The following FRYL variants were observed in gnomAD, a reference collection of about 807,000 sequenced individuals.
FRYL encodes the protein protein furry homolog-like.
A neutral mutation model predicts 351.2 loss-of-function variants in FRYL; 150 were observed. The observed-to-expected ratio is 0.43, with a 90% CI of 0.37 to 0.49. The LOEUF (loss-of-function observed/expected upper bound fraction) is 0.49, where lower values mean the gene tolerates loss of function less well. FRYL is among the 20% of genes least tolerant of loss of function. FRYL has a pLI of 0.00. For missense variants in FRYL, 3,036 were observed against 3,619.3 expected (o/e 0.84, Z 4.13); for synonymous variants, 1,153 against 1,257.1 (o/e 0.92, Z 1.75).
chr4:48,547,474 T>A, intron 41 of FRYL, 110 bp downstream of exon 41: 1 of 516,428 alleles, frequency 1.9e-6, no homozygotes, highest in Non-Finnish European at 3.3e-6. Context: ...ACTACATTTT[T>A]AAAATGTTCT....
chr4:48,547,382 C>T (rs566853321), intron 41 of FRYL: 16 of 378,394 alleles, frequency 4.2e-5, no homozygotes, highest in South Asian at 1.0e-4. Flanking sequence ...AAAGATCGTT[C>T]GAGGTAATGC....
intron 1 of FRYL, among the ~76,000 whole-genome samples, chr4:48,711,788 C>T (rs1000415274): frequency 5.9e-5 from 9 of 152,220 alleles, no homozygotes; most frequent in African/African-American, 2.2e-4. Flanking sequence ...ACCCCTGACC[C>T]CCCGAGCAGT....
intron 16 of FRYL, among the ~76,000 whole-genome samples, chr4:48,591,349 T>C (rs774341578): frequency 7.9e-5 from 12 of 152,214 alleles, no homozygotes; most frequent in Non-Finnish European, 1.5e-4. Context: ...ACATACACGT[T>C]TTCTTTCTTG....
chr4:48,683,122 A>C (rs1764812035), intron 3 of FRYL, among the ~76,000 whole-genome samples: 1 of 152,190 alleles, frequency 6.6e-6, no homozygotes, highest in African/African-American at 2.4e-5. Context: ...CTTTGCACGG[A>C]CATGGATGAA....
At chr4:48,668,667 C>A (rs558074484) in intron 3 of FRYL, among the ~76,000 whole-genome samples, 1 of 152,358 alleles carries the variant, frequency 6.6e-6, no homozygotes, top group East Asian at 1.9e-4. Context: ...CAGTCCTCAA[C>A]CCACTATCTG....
chr4:48,682,425 A>T (rs1188078635), intron 3 of FRYL, among the ~76,000 whole-genome samples: 2 of 152,242 alleles, frequency 1.3e-5, no homozygotes, highest in Non-Finnish European at 2.9e-5. Context: ...GACAAATGGG[A>T]TCTAATTAAA....
intron 37 of FRYL, among the ~76,000 whole-genome samples, chr4:48,551,121 C>T (rs148667273): frequency 1.2e-3 from 175 of 151,202 alleles, no homozygotes; most frequent in African/African-American, 3.8e-3. Context: ...TTTACTATGA[C>T]GTACATTAAT....
At chr4:48,719,279 A>G (rs2149606118) in intron 1 of FRYL, among the ~76,000 whole-genome samples, 1 of 151,728 alleles carries the variant, frequency 6.6e-6, no homozygotes, top group Non-Finnish European at 1.5e-5. Context: ...AATGTATCCC[A>G]TGCCTTCCTA....
In FRYL at chr4:48,595,572, A is replaced by G. The variant is rs1449744777; in HGVS notation, c.1248+18T>C. 2 of 1,402,824 alleles carry G rather than the reference A, an allele frequency of 1.4e-6. No homozygotes were observed. Among genetic ancestry groups the G allele is most frequent in the East Asian group, 4.6e-5 (2 of 43,464 alleles). The allele number at this position is 1,402,824 out of a possible 1,614,324, so 86.9% of individuals were successfully genotyped here. A position where few individuals can be genotyped will look rare whatever the true frequency, so the allele number is the denominator to read the frequency against. On this transcript the variant is annotated intron_variant, in intron 15 of 63. Transcript: ENST00000358350. ...CTAACAATTTATATACATACATACT[A>G]TGAGATGAAGCACTCACCTGAGCAA...
At chr4:48,660,954 T>C (rs1001610819) in intron 3 of FRYL, among the ~76,000 whole-genome samples, 11 of 152,302 alleles carry the variant, frequency 7.2e-5, no homozygotes, top group Admixed American at 2.0e-4. Flanking sequence ...TAAGGAAATG[T>C]GGCAACTGAA....
intron 1 of FRYL, 33 bp from the exon 2 acceptor site, chr4:48,710,731 C>G: frequency 2.5e-6 from 1 of 396,680 alleles, no homozygotes; most frequent in Non-Finnish European, 4.4e-6. Flanking sequence ...ATATGGTCAT[C>G]ACTAACAGCC....
At chr4:48,596,855 C>CT (rs1347504479) in intron 13 of FRYL, among the ~76,000 whole-genome samples, 3,910 of 142,372 alleles carry the variant, frequency 0.027, 100 homozygotes, top group African/African-American at 0.074. Flanking sequence ...TAATAATCTC[C>CT]TTTTTTTTTT....
Position 48,606,503 on chromosome 4 carries a change from T to C in FRYL, c.676A>G (p.Met226Val), listed in dbSNP as rs1434525575. ...VQSVISLIMG[M>V]KFFRVKMYPV... ...TACATTTTTACTCGAAAAAATTTCA[T>C]TCCCATTATTAAGCTGATGACACTT... Residue 226 changes from methionine to valine, a missense_variant, in exon 10 of 64, where the codon ATG (methionine) becomes GTG (valine). This residue lies in a region of FRYL where 457 missense variants were observed against 566.6 expected (regional missense o/e 0.81). Transcript: ENST00000358350. 2 of 1,612,922 alleles carry C rather than the reference T, an allele frequency of 1.2e-6. No homozygotes were observed. The highest frequency in any genetic ancestry group is 1.1e-5 in the South Asian group (1 of 91,004).
At chr4:48,609,869 T>G in intron 7 of FRYL, 46 bp from the exon 8 acceptor site, 1 of 976,730 alleles carries the variant, frequency 1.0e-6, no homozygotes, top group East Asian at 2.6e-5. Context: ...TTATTGGTTT[T>G]TTATGAGTAT....
At chr4:48,627,580 C>T (rs1005700336) in intron 4 of FRYL, among the ~76,000 whole-genome samples, 1 of 151,874 alleles carries the variant, frequency 6.6e-6, no homozygotes, top group Non-Finnish European at 1.5e-5. Context: ...TCCATAAGAA[C>T]TCAGAAGTGA....
At chr4:48,517,898 T>G (rs1172878502) in intron 55 of FRYL, among the ~76,000 whole-genome samples, 3 of 152,246 alleles carry the variant, frequency 2.0e-5, no homozygotes, top group African/African-American at 7.2e-5. Flanking sequence ...CTTAAGAAGT[T>G]GCCTTAAAAA....
intron 3 of FRYL, chr4:48,637,328 G>T (rs542513424): frequency 6.6e-6 from 1 of 152,038 alleles, no homozygotes; most frequent in Admixed American, 6.6e-5. Context: ...GTAAAGATAC[G>T]TGAATTCTTT....
chr4:48,525,021 G>C (rs973964881), intron 53 of FRYL, among the ~76,000 whole-genome samples: 1 of 144,514 alleles, frequency 6.9e-6, no homozygotes, highest in African/African-American at 2.6e-5. Flanking sequence ...TTTTTCAAAT[G>C]ATGAGTGTGA....
intron 2 of FRYL, among the ~76,000 whole-genome samples, chr4:48,706,438 A>C (rs1301284710): frequency 1.3e-5 from 2 of 152,174 alleles, no homozygotes. Flanking sequence ...AGGTACCTAG[A>C]GGGGTCAAAC....
Sources: gnomAD v4.1 joint callset for allele counts (sites outside exome capture counted in the v4.1 genomes callset) on GRCh38, gnomAD v4.1.1 for gene constraint, gnomAD v4.1.1 regional missense constraint, MANE v1.5 for transcripts, NCBI Gene and HGNC (gene_info 2026-07-23, HGNC 2026-07-21) for gene names.